NRP2: variants seen among roughly 807,000 people sequenced by gnomAD.
NRP2 encodes the protein neuropilin-2.
NRP2 carries 52 observed loss-of-function variants against 110.4 expected under a neutral mutation model. That is an observed-to-expected ratio of 0.47 (90% CI 0.38 to 0.59). The LOEUF (loss-of-function observed/expected upper bound fraction) is 0.59. NRP2 is among the 20% of genes least tolerant of loss of function. NRP2 has a pLI of 0.00. For missense variants in NRP2, 1,049 were observed against 1,203.0 expected (o/e 0.87, Z 1.89); for synonymous variants, 508 against 468.9 (o/e 1.08, Z -1.08).
chr2:205,774,414 A>AC (rs1463622052), intron 15 of NRP2, among the ~76,000 whole-genome samples: 15 of 152,158 alleles, frequency 9.9e-5, no homozygotes, highest in African/African-American at 3.6e-4. Context: ...AGGAAGATGT[A>AC]TAAAGGGACA....
chr2:205,751,222 AG>A (rs1421355206), intron 11 of NRP2, among the ~76,000 whole-genome samples: 1 of 152,162 alleles, frequency 6.6e-6, no homozygotes, highest in Non-Finnish European at 1.5e-5. Context: ...TGACAATCAA[AG>A]GAAAAATTAA....
rs771737866 is a variant in NRP2 at position 205,722,674 on chromosome 2, C to T, written c.630C>T (p.Tyr210=). 2.0e-5 allele frequency: 33 copies of T among 1,614,008 alleles called. No individual in the cohort carries two copies. Among genetic ancestry groups the T allele is most frequent in the East Asian group, 8.9e-5 (4 of 44,892 alleles). The part of the protein sequence containing the change: ...PLQVGEGDCK[Y]DWLDIWDGIP... The stretch of plus-strand genomic sequence containing the variant: ...AGGTGGGAGAGGGGGACTGCAAGTA[C>T]GATTGGCTGGACATCTGGGATGGCA... Residue 210 remains tyrosine (Y), a synonymous_variant, in exon 4 of 17, where the codon TAC becomes TAT. Coordinates refer to ENST00000357785, the MANE Select transcript of NRP2 (RefSeq NM_003872.3).
At chr2:205,771,769 T>C (rs2105936672) in intron 15 of NRP2, among the ~76,000 whole-genome samples, 1 of 152,364 alleles carries the variant, frequency 6.6e-6, no homozygotes, top group Non-Finnish European at 1.5e-5. Context: ...TGCAAACTTG[T>C]TCTGTAAAGG....
intron 7 of NRP2, among the ~76,000 whole-genome samples, chr2:205,732,966 T>C (rs1439624921): frequency 6.6e-6 from 1 of 152,146 alleles, no homozygotes; most frequent in Non-Finnish European, 1.5e-5. Flanking sequence ...ATGAGGACAA[T>C]ACCTCACACT....
chr2:205,720,262 C>A (rs199785927), intron 3 of NRP2, among the ~76,000 whole-genome samples: 1 of 129,180 alleles, frequency 7.7e-6, no homozygotes. Context: ...TTTTTTCTTT[C>A]TTTTTTTTTT....
At chr2:205,721,456 G>A (rs561837049) in intron 3 of NRP2, among the ~76,000 whole-genome samples, 125 of 152,268 alleles carry the variant, frequency 8.2e-4, no homozygotes, top group Non-Finnish European at 1.5e-3. Context: ...GGGTCCATGG[G>A]TCTGGGTTGC....
At chr2:205,784,478 G>A (rs1417218396) in intron 15 of NRP2, among the ~76,000 whole-genome samples, 1 of 152,224 alleles carries the variant, frequency 6.6e-6, no homozygotes, top group Admixed American at 6.5e-5. Flanking sequence ...TGAGATGGTA[G>A]TTATTACAAC....
intron 2 of NRP2, among the ~76,000 whole-genome samples, chr2:205,715,074 A>G (rs1486714816): frequency 6.6e-6 from 1 of 152,094 alleles, no homozygotes; most frequent in Non-Finnish European, 1.5e-5. Context: ...AGGGAGATGG[A>G]TGGTTTTCAG....
Position 205,763,767 on chromosome 2 carries a change from C to G in NRP2, c.2138C>G (p.Pro713Arg), listed in dbSNP as rs996595029. 2.5e-6 allele frequency: 4 copies of G among 1,614,098 alleles called. No individual in the cohort carries two copies. The highest frequency in any genetic ancestry group is 2.2e-5 in the South Asian group (2 of 91,082). The change falls in exon 13 of 17, where the codon CCG becomes CGG. Residue 713 changes from proline to arginine, a missense_variant. Physicochemically the swap from Pro to Arg is moderately radical, Grantham distance 103. Coordinates refer to ENST00000357785, the MANE Select transcript of NRP2 (RefSeq NM_003872.3). The surrounding 1 kb of genome is among the most constrained non-coding windows in gnomAD (Gnocchi z 4.0). ...CCCCCTGTCCACCTGCCCCGAAGCC[C>G]GGTGTGCATGGAGTTCCAGTACCAG... ...ISPPVHLPRS[P>R]VCMEFQYQAT...
At chr2:205,794,267 C>T (rs948139855) in intron 16 of NRP2, among the ~76,000 whole-genome samples, 13 of 152,218 alleles carry the variant, frequency 8.5e-5, no homozygotes, top group East Asian at 1.9e-4. Context: ...CCCGCCACCA[C>T]GCCCGGCTAA....
chr2:205,712,237 C>T (rs751832175), intron 2 of NRP2, among the ~76,000 whole-genome samples: 2 of 152,010 alleles, frequency 1.3e-5, no homozygotes, highest in Non-Finnish European at 2.9e-5. Context: ...GCTACTTCAG[C>T]TCAGGAAAAA....
chr2:205,693,370 C>T (rs945884125), intron 1 of NRP2, among the ~76,000 whole-genome samples: 4 of 151,936 alleles, frequency 2.6e-5, no homozygotes, highest in Admixed American at 2.0e-4. Context: ...TCCAGGAAGC[C>T]CCAGTGGACT....
intron 2 of NRP2, among the ~76,000 whole-genome samples, chr2:205,714,390 G>A (rs981845291): frequency 6.6e-6 from 1 of 152,194 alleles, no homozygotes; most frequent in Admixed American, 6.5e-5. Context: ...ATGAACATGG[G>A]TAGCAGAGCC....
intron 1 of NRP2, among the ~76,000 whole-genome samples, chr2:205,689,910 G>T (rs2056269451): frequency 6.6e-6 from 1 of 152,084 alleles, no homozygotes; most frequent in Non-Finnish European, 1.5e-5. Context: ...ACCCAGCAAG[G>T]GTCTTAATAA....
At chr2:205,692,878 C>G (rs1338266051) in intron 1 of NRP2, among the ~76,000 whole-genome samples, 1 of 152,166 alleles carries the variant, frequency 6.6e-6, no homozygotes, top group East Asian at 1.9e-4. Flanking sequence ...CTGGAACTGA[C>G]CTTTAGAATC....
intron 1 of NRP2, among the ~76,000 whole-genome samples, chr2:205,684,825 A>T (rs2056106224): frequency 6.6e-6 from 1 of 152,204 alleles, no homozygotes; most frequent in Non-Finnish European, 1.5e-5. Flanking sequence ...ACAGACCTGG[A>T]TGCTGCGTAA....
chr2:205,710,343 C>T (rs1467423001), intron 2 of NRP2, among the ~76,000 whole-genome samples: 1 of 152,188 alleles, frequency 6.6e-6, no homozygotes, highest in Non-Finnish European at 1.5e-5. Context: ...TGCTCTGAGC[C>T]TCGATGTCTG....
chr2:205,707,855 C>T (rs899193932), intron 2 of NRP2, among the ~76,000 whole-genome samples: 1 of 152,194 alleles, frequency 6.6e-6, no homozygotes, highest in African/African-American at 2.4e-5. Flanking sequence ...ACTGCCAGCA[C>T]ACCAGGGGCC....
Position 205,755,614 on chromosome 2 carries a change from A to AC in NRP2, c.2044+2639_2044+2640insC, listed in dbSNP as rs1384930661. On this transcript the variant is annotated intron_variant, in intron 12 of 16. Transcript: ENST00000357785. Reference sequence around the variant, plus strand: ...TCCTTACTTCTTCTCCATAGGGAAAAAAAAAAAAGGAGGGGGAGGCCCTGA... The same window carrying AC: ...TCCTTACTTCTTCTCCATAGGGAAAACAAAAAAAAGGAGGGGGAGGCCCTGA... Among the ~76,000 whole-genome samples the AC allele has an allele frequency of 3.3e-5, 5 of 151,032 alleles. No homozygotes were observed. The East Asian group carries it at 9.7e-4, about 29-fold the overall frequency.
Sources: gnomAD v4.1 joint callset for allele counts (sites outside exome capture counted in the v4.1 genomes callset) on GRCh38, gnomAD v4.1.1 for gene constraint, Gnocchi (gnomAD v3.1) non-coding constraint, MANE v1.5 for transcripts, NCBI Gene and HGNC (gene_info 2026-07-23, HGNC 2026-07-21) for gene names.